DNM3: variants seen among roughly 807,000 people sequenced by gnomAD.
DNM3 encodes dynamin 3, also known as dynamin-3.
In DNM3, 47 loss-of-function variants were observed where a neutral mutation model predicts 101.6. The observed-to-expected ratio is 0.46, with a 90% CI of 0.37 to 0.59. The LOEUF (loss-of-function observed/expected upper bound fraction) is 0.59. Among genes scored for constraint, DNM3 ranks in the 20% least tolerant of loss-of-function variants. DNM3 has a pLI of 0.00. For missense variants in DNM3, 849 were observed against 1,085.7 expected, an observed-to-expected ratio of 0.78 and a Z score of 3.06; for synonymous variants, 385 against 387.9, an observed-to-expected ratio of 0.99 and a Z score of 0.09.
intron 12 of DNM3, 118 bp from the exon 13 acceptor site, chr1:172,092,706 A>G: frequency 2.8e-6 from 3 of 1,069,236 alleles, no homozygotes; most frequent in East Asian, 5.5e-5. Flanking sequence ...GAATTTTGGT[A>G]TTAGGTCTGT....
intron 11 of DNM3, among the ~76,000 whole-genome samples, chr1:172,072,827 C>A (rs2052308193): frequency 6.6e-6 from 1 of 152,134 alleles, no homozygotes; most frequent in African/African-American, 2.4e-5. Flanking sequence ...GCGGAGGTTG[C>A]AGTGAGCTGA....
At chr1:172,295,537 G>A (rs2064124493) in intron 15 of DNM3, among the ~76,000 whole-genome samples, 1 of 152,100 alleles carries the variant, frequency 6.6e-6, no homozygotes, top group African/African-American at 2.4e-5. Flanking sequence ...TGAATTGTAT[G>A]TGTATATATA....
chr1:172,350,082 T>C (rs1460791747), intron 17 of DNM3, among the ~76,000 whole-genome samples: 1 of 152,114 alleles, frequency 6.6e-6, no homozygotes, highest in East Asian at 1.9e-4. Flanking sequence ...AAAATAAAAA[T>C]GCCTGTTCTT....
chr1:171,991,002 G>T (rs2045595244), intron 4 of DNM3, among the ~76,000 whole-genome samples: 1 of 152,136 alleles, frequency 6.6e-6, no homozygotes, highest in African/African-American at 2.4e-5. Flanking sequence ...AGCCATGGTT[G>T]TCTGATTGGG....
chr1:172,348,295 A>T (rs1435358362), intron 17 of DNM3, among the ~76,000 whole-genome samples: 2 of 152,206 alleles, frequency 1.3e-5, no homozygotes, highest in African/African-American at 2.4e-5. Context: ...ATCAGGAAAT[A>T]AAACAATTCT....
At chr1:172,278,930 C>G (rs1450190932) in intron 15 of DNM3, among the ~76,000 whole-genome samples, 4 of 152,106 alleles carry the variant, frequency 2.6e-5, no homozygotes, top group African/African-American at 7.2e-5. Flanking sequence ...CCATGCTTAA[C>G]CCAGAGGAGT....
intron 4 of DNM3, among the ~76,000 whole-genome samples, chr1:172,009,201 T>C (rs1039944032): frequency 6.9e-6 from 1 of 145,246 alleles, no homozygotes; most frequent in African/African-American, 2.5e-5. Context: ...CCTATATTTA[T>C]AATTCTGGAC....
intron 14 of DNM3, among the ~76,000 whole-genome samples, chr1:172,221,010 A>G (rs1197647982): frequency 6.6e-6 from 1 of 152,124 alleles, no homozygotes; most frequent in African/African-American, 2.4e-5. Context: ...CTTGTATCAC[A>G]TCATGTTACT....
chr1:172,252,680 A>G lies in DNM3; in HGVS notation c.1660-893A>G, dbSNP rs1174885439. ...AATAGGTATTTACTAGGTTTCTTAA[A>G]TTGAGTATTTGGCTCTCTCCTACTG... On this transcript the variant is annotated intron_variant, in intron 14 of 20. Coordinates refer to ENST00000627582, the MANE Select transcript of DNM3 (RefSeq NM_015569.5). Among the ~76,000 whole-genome samples, 6 of 152,026 alleles carry G rather than the reference A, an allele frequency of 3.9e-5. No individual in the cohort carries two copies. In the East Asian group the frequency reaches 1.2e-3, roughly 29 times the overall value.
chr1:172,388,424 C>A, intron 19 of DNM3, 149 bp from the exon 20 acceptor site: 1 of 695,374 alleles, frequency 1.4e-6, no homozygotes, highest in Non-Finnish European at 2.4e-6. Context: ...TCTCCATTTA[C>A]CCTTTTATCC....
At position 172,269,511 on chromosome 1, in the gene DNM3, T is replaced by G. The variant is rs140196587; in HGVS notation, c.1769+15829T>G. Among the ~76,000 whole-genome samples the G allele has an allele frequency of 5.8e-3, 882 of 152,292 alleles. 6 individuals carry two copies. Among genetic ancestry groups the G allele is most frequent in the African/African-American group, 0.02 (834 of 41,566 alleles). Reference sequence around the variant, plus strand: ...TGCTTTAAATGAGACACTGTAGTGGTAAGCTGTAAGAGAACTGATAGATCA... The same window carrying G: ...TGCTTTAAATGAGACACTGTAGTGGGAAGCTGTAAGAGAACTGATAGATCA... On this transcript the variant is annotated intron_variant, in intron 15 of 20. Coordinates refer to ENST00000627582, the MANE Select transcript of DNM3 (RefSeq NM_015569.5).
At chr1:171,951,345 G>C (rs531789794) in intron 2 of DNM3, among the ~76,000 whole-genome samples, 118 of 152,192 alleles carry the variant, frequency 7.8e-4, no homozygotes, top group African/African-American at 2.7e-3. Context: ...GTGCCTACTT[G>C]GTTATCAAGT....
chr1:172,273,210 G>A (rs1004941413), intron 15 of DNM3, among the ~76,000 whole-genome samples: 5 of 151,718 alleles, frequency 3.3e-5, no homozygotes, highest in African/African-American at 1.2e-4. Context: ...TTCCTTCTAG[G>A]AGTCAGAGCA....
chr1:172,413,378 C>T (rs904723021), downstream of DNM3, among the ~76,000 whole-genome samples: 8 of 152,274 alleles, frequency 5.3e-5, no homozygotes, highest in African/African-American at 2.4e-5. Context: ...AGGCGCCCGC[C>T]ACCACGCCCG....
intron 14 of DNM3, among the ~76,000 whole-genome samples, chr1:172,213,482 A>G (rs1455947770): frequency 1.3e-5 from 2 of 150,950 alleles, no homozygotes; most frequent in Non-Finnish European, 2.9e-5. Flanking sequence ...AAAAAGTTAA[A>G]CAAAGCTTAC....
rs892472027 is a variant in DNM3 at position 171,864,082 on chromosome 1, T to C, written c.161+22265T>C. ...AATTCCCTTTGCAGAGTCTAAAAAG[T>C]GGGTTTTAAATGTCTAATATACTCG... On this transcript the variant is annotated intron_variant, in intron 1 of 20. Transcript: ENST00000627582. 7 of 152,326 alleles carry C rather than the reference T, an allele frequency of 4.6e-5. No homozygotes were observed. In the East Asian group the frequency reaches 7.7e-4, roughly 17 times the overall value. 9.4% of individuals were successfully genotyped at this position (152,326 alleles called of 1,614,324 possible).
intron 1 of DNM3, among the ~76,000 whole-genome samples, chr1:171,858,442 C>A (rs1371825695): frequency 6.6e-6 from 1 of 152,040 alleles, no homozygotes; most frequent in Non-Finnish European, 1.5e-5. Flanking sequence ...ACCCGATAAC[C>A]ATCACACAAC....
At chr1:171,911,273 C>T (rs1286311382) in intron 1 of DNM3, among the ~76,000 whole-genome samples, 11 of 90,756 alleles carry the variant, frequency 1.2e-4, no homozygotes, top group East Asian at 8.0e-4. Context: ...ACCCCAACAT[C>T]TTTTTTTTTT....
chr1:172,182,206 C>G (rs192204575), intron 14 of DNM3, among the ~76,000 whole-genome samples: 2 of 150,290 alleles, frequency 1.3e-5, no homozygotes, highest in East Asian at 3.9e-4. Flanking sequence ...AACAGTCTGT[C>G]CAAGATCAGT....
Sources: gnomAD v4.1 joint callset for allele counts (sites outside exome capture counted in the v4.1 genomes callset) on GRCh38, gnomAD v4.1.1 for gene constraint, MANE v1.5 for transcripts, NCBI Gene and HGNC (gene_info 2026-07-23, HGNC 2026-07-21) for gene names.